RNF150: variants seen among roughly 807,000 people sequenced by gnomAD.
The protein encoded by RNF150 is ring finger protein 150.
RNF150 carries 24 observed loss-of-function variants against 39.3 expected under a neutral mutation model. The observed-to-expected ratio is 0.61, with a 90% CI of 0.44 to 0.86. RNF150 has a LOEUF of 0.86. RNF150 is among the 40% of genes least tolerant of loss of function. The probability of loss-of-function intolerance (pLI) is 0.00; values close to 1 mark genes in which losing one functional copy is unlikely to be tolerated. For missense variants in RNF150, 502 were observed against 587.8 expected, an observed-to-expected ratio of 0.85 and a Z score of 1.51; for synonymous variants, 255 against 227.3, an observed-to-expected ratio of 1.12 and a Z score of -1.10.
intron 1 of RNF150, among the ~76,000 whole-genome samples, chr4:140,993,579 T>C (rs1734266625): frequency 6.6e-6 from 1 of 152,172 alleles, no homozygotes; most frequent in African/African-American, 2.4e-5. Flanking sequence ...TCTTCCCTGA[T>C]CATAGTGAAG....
At chr4:141,150,563 G>A (rs112184383) in intron 1 of RNF150, among the ~76,000 whole-genome samples, 26 of 152,220 alleles carry the variant, frequency 1.7e-4, no homozygotes, top group African/African-American at 4.3e-4. Context: ...TCAATTTTCC[G>A]GTAGCATTCC....
intron 1 of RNF150, among the ~76,000 whole-genome samples, chr4:141,169,044 T>C (rs983851204): frequency 6.6e-6 from 1 of 152,122 alleles, no homozygotes; most frequent in African/African-American, 2.4e-5. Context: ...GACAGAATTA[T>C]ATAGTTTGAA....
At chr4:141,207,171 T>C (rs899177434) in intron 1 of RNF150, among the ~76,000 whole-genome samples, 2 of 152,090 alleles carry the variant, frequency 1.3e-5, no homozygotes, top group Admixed American at 6.6e-5. Context: ...CCAGAAACAA[T>C]ACTTTACCAG....
At chr4:141,096,307 C>A (rs1738780830) in intron 1 of RNF150, among the ~76,000 whole-genome samples, 1 of 150,504 alleles carries the variant, frequency 6.6e-6, no homozygotes, top group Non-Finnish European at 1.5e-5. Flanking sequence ...AGCGATTCTC[C>A]TGCCTCAGGC....
At chr4:140,982,426 T>C (rs1357156073) in intron 1 of RNF150, among the ~76,000 whole-genome samples, 5 of 152,062 alleles carry the variant, frequency 3.3e-5, no homozygotes, top group South Asian at 2.1e-4. Flanking sequence ...TCACTGCTGC[T>C]AGTCTGCTGT....
At chr4:140,957,849 A>G (rs1732835019) in intron 2 of RNF150, among the ~76,000 whole-genome samples, 1 of 145,930 alleles carries the variant, frequency 6.9e-6, no homozygotes, top group Non-Finnish European at 1.5e-5. Context: ...GAAATGAACA[A>G]TGAGAACACA....
chr4:140,896,709 C>T (rs6834605), intron 6 of RNF150, among the ~76,000 whole-genome samples: 3 of 41,256 alleles, frequency 7.3e-5, no homozygotes, highest in African/African-American at 7.2e-5. Context: ...AACAAAAAAA[C>T]AAACAAACAA....
In RNF150 at chr4:140,967,985, G is replaced by A. The variant is rs1273019245; in HGVS notation, c.485-112C>T. 5.3e-6 allele frequency: 5 copies of A among 941,896 alleles called. No individual in the cohort carries two copies. The East Asian group carries it at 9.7e-5, about 18-fold the overall frequency. The allele number at this position is 941,896 out of a possible 1,614,324, so 58.3% of individuals were successfully genotyped here. A position where few individuals can be genotyped will look rare whatever the true frequency, so the allele number is the denominator to read the frequency against. ...GAAACCAAATAAGGACAGTACTTTT[G>A]AGAATTCTGTGCTGGGCTAAGAAGA... is the stretch of plus-strand genomic sequence containing the variant. On this transcript the variant is annotated intron_variant, in intron 1 of 6. Transcript: ENST00000515673.
intron 2 of RNF150, among the ~76,000 whole-genome samples, chr4:140,953,709 A>G (rs1344068127): frequency 6.6e-6 from 1 of 152,136 alleles, no homozygotes; most frequent in African/African-American, 2.4e-5. Flanking sequence ...ACAAAGAAAA[A>G]AAGTACCACT....
At chr4:141,124,776 A>C (rs1256282751) in intron 1 of RNF150, among the ~76,000 whole-genome samples, 1 of 152,220 alleles carries the variant, frequency 6.6e-6, no homozygotes, top group Non-Finnish European at 1.5e-5. Context: ...TAAGAAACAA[A>C]ACATTTCCTG....
intron 1 of RNF150, among the ~76,000 whole-genome samples, chr4:141,200,933 T>C (rs1404169205): frequency 1.3e-5 from 2 of 152,186 alleles, no homozygotes; most frequent in Non-Finnish European, 2.9e-5. Context: ...AAATCAGATC[T>C]ATTTTACTAG....
rs144587976 is a variant in RNF150, at chr4:140,871,369, AT to A, written c.1199-2991del. On this transcript the variant is annotated intron_variant, in intron 6 of 6. Coordinates refer to ENST00000515673, the MANE Select transcript of RNF150 (RefSeq NM_020724.2). ...TTTTATTTTTGCAATTTTTTTCTTA[AT>A]AAAAAATGCCTGCTTTTGTATATTT... 7.9e-3 allele frequency among the ~76,000 whole-genome samples: 1,204 copies of A among 152,208 alleles called. 5 individuals are homozygous for A. The highest frequency in any genetic ancestry group is 0.014 in the Non-Finnish European group (948 of 68,010).
At chr4:141,180,305 G>T (rs573741660) in intron 1 of RNF150, among the ~76,000 whole-genome samples, 2 of 152,272 alleles carry the variant, frequency 1.3e-5, no homozygotes, top group Admixed American at 1.3e-4. Flanking sequence ...AGCTTACACC[G>T]CATTCCCTTC....
intron 1 of RNF150, among the ~76,000 whole-genome samples, chr4:141,148,348 T>C (rs1727236739): frequency 6.6e-6 from 1 of 152,226 alleles, no homozygotes; most frequent in South Asian, 2.1e-4. Context: ...GTAAGCATTT[T>C]ATTGAATATG....
chr4:140,892,952 CAGCTACTCAGG>C (rs1426382280), intron 6 of RNF150, among the ~76,000 whole-genome samples: 6 of 152,042 alleles, frequency 3.9e-5, no homozygotes, highest in African/African-American at 1.4e-4. Context: ...CCTGTAGTCC[CAGCTACTCAGG>C]AGCTTGAGGT....
intron 1 of RNF150, among the ~76,000 whole-genome samples, chr4:141,044,011 G>A (rs886210546): frequency 2.0e-5 from 3 of 152,072 alleles, no homozygotes; most frequent in African/African-American, 7.2e-5. Context: ...ATCCTTGAAT[G>A]GTGTATAATA....
At chr4:141,197,623 A>T (rs1397049137) in intron 1 of RNF150, among the ~76,000 whole-genome samples, 2 of 152,172 alleles carry the variant, frequency 1.3e-5, no homozygotes, top group African/African-American at 4.8e-5. Flanking sequence ...TCACGTCTGT[A>T]ATCCCAGCAC....
chr4:140,929,437 G>T (rs1156594796), intron 4 of RNF150, among the ~76,000 whole-genome samples: 1 of 139,680 alleles, frequency 7.2e-6, no homozygotes, highest in East Asian at 2.2e-4. Flanking sequence ...CGCGATCTCG[G>T]CTCACTGCAA....
chr4:141,075,554 C>A (rs1161769428), intron 1 of RNF150, among the ~76,000 whole-genome samples: 1 of 152,220 alleles, frequency 6.6e-6, no homozygotes, highest in African/African-American at 2.4e-5. Flanking sequence ...AATTATTTAT[C>A]ATAAATTACT....
Sources: gnomAD v4.1 joint callset for allele counts (sites outside exome capture counted in the v4.1 genomes callset) on GRCh38, gnomAD v4.1.1 for gene constraint, MANE v1.5 for transcripts, NCBI Gene and HGNC (gene_info 2026-07-23, HGNC 2026-07-21) for gene names.